The following CDH8 variants were observed in gnomAD, a reference collection of about 807,000 sequenced individuals.
CDH8 encodes cadherin 8, also known as cadherin-8.
In CDH8, 17 loss-of-function variants were observed where a neutral mutation model predicts 68.1. The observed-to-expected ratio is 0.25, with a 90% CI of 0.17 to 0.37. The LOEUF is 0.37. Ranked by LOEUF, CDH8 falls within the 10% of genes least tolerant of loss-of-function variation. CDH8 has a pLI of 1.00. For synonymous variants in CDH8, 372 were observed against 365.1 expected (o/e 1.02, Z -0.21); for missense variants, 763 against 999.3 (o/e 0.76, Z 3.19).
intron 1 of CDH8, among the ~76,000 whole-genome samples, chr16:62,034,217 A>ACACACACACACG (rs1039068798): frequency 3.7e-4 from 56 of 151,370 alleles, no homozygotes; most frequent in African/African-American, 1.4e-3. Flanking sequence ...ACACACACAC[A>ACACACACACACG]CGCACACGAA....
At chr16:61,994,133 A>G (rs1226547325) in intron 2 of CDH8, among the ~76,000 whole-genome samples, 2 of 152,140 alleles carry the variant, frequency 1.3e-5, no homozygotes, top group African/African-American at 4.8e-5. Context: ...TACATGTTCT[A>G]CTGCTGCTGA....
At chr16:61,874,363 G>C (rs536305092) in intron 3 of CDH8, among the ~76,000 whole-genome samples, 9 of 151,774 alleles carry the variant, frequency 5.9e-5, no homozygotes, top group African/African-American at 2.2e-4. Context: ...ATGGAGTCTC[G>C]CTCTATCACC....
intron 4 of CDH8, among the ~76,000 whole-genome samples, chr16:61,830,564 A>T (rs1163588307): frequency 6.6e-6 from 1 of 151,798 alleles, no homozygotes; most frequent in Non-Finnish European, 1.5e-5. Flanking sequence ...CCGTTGCCCA[A>T]GACATAAATT....
intron 9 of CDH8, among the ~76,000 whole-genome samples, chr16:61,715,150 A>G (rs988405824): frequency 6.6e-6 from 1 of 151,676 alleles, no homozygotes; most frequent in South Asian, 2.1e-4. Context: ...AAAATGGAAC[A>G]TAATCTTACT....
At chr16:61,850,419 A>C (rs552277886) in intron 4 of CDH8, among the ~76,000 whole-genome samples, 1 of 152,178 alleles carries the variant, frequency 6.6e-6, no homozygotes, top group East Asian at 1.9e-4. Flanking sequence ...ACATTTCAAC[A>C]TAAGATTAGG....
intron 4 of CDH8, among the ~76,000 whole-genome samples, chr16:61,832,288 AT>A (rs1259446122): frequency 6.6e-6 from 1 of 151,700 alleles, no homozygotes; most frequent in Non-Finnish European, 1.5e-5. Context: ...ATAATTTATG[AT>A]TTAGATAGAT....
chr16:61,936,476 T>G (rs1567535407), intron 2 of CDH8, among the ~76,000 whole-genome samples: 1 of 152,138 alleles, frequency 6.6e-6, no homozygotes, highest in East Asian at 1.9e-4. Context: ...CTAACAAGAT[T>G]AAAAAGACAA....
At chr16:61,932,218 A>AAAAG (rs1964555362) in intron 2 of CDH8, among the ~76,000 whole-genome samples, 1 of 146,902 alleles carries the variant, frequency 6.8e-6, no homozygotes, top group African/African-American at 2.6e-5. Context: ...AAAAAAAAAA[A>AAAAG]AAAAGAAAAG....
chr16:61,870,388 T>C (rs1597031052), intron 3 of CDH8, among the ~76,000 whole-genome samples: 1 of 152,170 alleles, frequency 6.6e-6, no homozygotes, highest in African/African-American at 2.4e-5. Context: ...GTGAGGAGCA[T>C]TGGGAAATGT....
chr16:61,666,842 A>C (rs1963689535), intron 10 of CDH8, among the ~76,000 whole-genome samples: 1 of 152,008 alleles, frequency 6.6e-6, no homozygotes, highest in African/African-American at 2.4e-5. Context: ...CAAAGCAATA[A>C]AAATACCAAA....
In CDH8 at chr16:61,653,779, G is replaced by A. The variant is rs1031527637; in HGVS notation, c.2229C>T (p.Ser743=). The part of the protein sequence containing the change: ...DNDPTAPPYD[S]IQIYGYEGRG... Reference sequence around the variant, plus strand: ...GGCCTTCATAGCCATATATCTGAATGGAGTCATATGGCGGGGCCGTGGGAT... The same window carrying A: ...GGCCTTCATAGCCATATATCTGAATAGAGTCATATGGCGGGGCCGTGGGAT... The change falls in exon 12 of 12, where the codon TCC becomes TCT. Residue 743 remains serine, a synonymous_variant. Transcript: ENST00000577390. 6.2e-7 allele frequency: 1 copy of A among 1,614,132 alleles called. No homozygotes were observed. Among genetic ancestry groups the A allele is most frequent in the Non-Finnish European group, 8.5e-7 (1 of 1,179,996 alleles).
rs373957850 is a variant in CDH8, at chr16:62,022,986, A to G, written c.-199-1384T>C. On this transcript the variant is annotated intron_variant, in intron 1 of 11. Coordinates refer to ENST00000577390, the MANE Select transcript of CDH8 (RefSeq NM_001796.5). ...CAGTTGCTTTGGAAATGGAAGACAA[A>G]GAAAACAGCTTTCAATGGGGAGCCA... is the stretch of plus-strand genomic sequence containing the variant. 2.6e-4 allele frequency among the ~76,000 whole-genome samples: 40 copies of G among 152,298 alleles called. No individual in the cohort carries two copies. The East Asian group carries it at 5.4e-3, about 21-fold the overall frequency.
At chr16:61,891,759 A>G (rs1357471408) in intron 3 of CDH8, among the ~76,000 whole-genome samples, 1 of 152,118 alleles carries the variant, frequency 6.6e-6, no homozygotes, top group Non-Finnish European at 1.5e-5. Flanking sequence ...TTCAATCCTC[A>G]TGATTTCCCA....
chr16:62,011,081 A>T (rs1901799814), intron 2 of CDH8, among the ~76,000 whole-genome samples: 2 of 150,820 alleles, frequency 1.3e-5, no homozygotes. Context: ...TATTCTTAGG[A>T]TTAGGGAGAA....
At chr16:62,015,910 T>C (rs1017312496) in intron 2 of CDH8, among the ~76,000 whole-genome samples, 19 of 152,128 alleles carry the variant, frequency 1.2e-4, no homozygotes, top group Admixed American at 2.0e-4. Context: ...ACCTCCAGAA[T>C]TGAGGGAAAT....
At chr16:62,002,110 T>G (rs955051861) in intron 2 of CDH8, among the ~76,000 whole-genome samples, 6 of 152,186 alleles carry the variant, frequency 3.9e-5, no homozygotes, top group African/African-American at 1.4e-4. Flanking sequence ...TAGTAGATAC[T>G]GTAGAATAAA....
At chr16:61,694,907 G>A (rs1242176357) in intron 10 of CDH8, among the ~76,000 whole-genome samples, 2 of 151,438 alleles carry the variant, frequency 1.3e-5, no homozygotes, top group African/African-American at 2.4e-5. Context: ...TCAGCCTCCC[G>A]AGTAGCTGGG....
chr16:61,751,447 A>C (rs1041186987), intron 8 of CDH8, among the ~76,000 whole-genome samples: 2 of 151,330 alleles, frequency 1.3e-5, no homozygotes, highest in African/African-American at 4.9e-5. Flanking sequence ...TTACTTAAAC[A>C]TGACACTCTT....
intron 7 of CDH8, among the ~76,000 whole-genome samples, chr16:61,817,180 A>C (rs1962094203): frequency 6.6e-6 from 1 of 152,140 alleles, no homozygotes; most frequent in Non-Finnish European, 1.5e-5. Context: ...GATCCACCCA[A>C]ATGTATTGCA....
Sources: gnomAD v4.1 joint callset for allele counts (sites outside exome capture counted in the v4.1 genomes callset) on GRCh38, gnomAD v4.1.1 for gene constraint, MANE v1.5 for transcripts, NCBI Gene and HGNC (gene_info 2026-07-23, HGNC 2026-07-21) for gene names.